Variants in PIK3CB observed in about 807,000 individuals in gnomAD.
PIK3CB encodes the protein phosphatidylinositol-4,5-bisphosphate 3-kinase catalytic subunit beta.
In PIK3CB, 39 loss-of-function variants were observed where a neutral mutation model predicts 136.8. That is an observed-to-expected ratio of 0.29 (90% CI 0.22 to 0.37). The LOEUF (loss-of-function observed/expected upper bound fraction) is 0.37. Among genes scored for constraint, PIK3CB ranks in the 10% least tolerant of loss-of-function variants. The probability of loss-of-function intolerance (pLI) is 1.00; values close to 1 mark genes in which losing one functional copy is unlikely to be tolerated. For missense variants in PIK3CB, 868 were observed against 1,275.4 expected (o/e 0.68, Z 4.87); for synonymous variants, 428 against 436.6 (o/e 0.98, Z 0.25).
intron 4 of PIK3CB, among the ~76,000 whole-genome samples, chr3:138,753,053 T>C (rs992994048): frequency 9.2e-5 from 14 of 151,780 alleles, no homozygotes; most frequent in Non-Finnish European, 1.9e-4. Context: ...TAAGATTCCA[T>C]CTCTACAAAA....
chr3:138,768,022 G>A (rs572697858), intron 2 of PIK3CB, among the ~76,000 whole-genome samples: 18 of 152,348 alleles, frequency 1.2e-4, no homozygotes, highest in African/African-American at 4.3e-4. Context: ...GCAGCCAAGC[G>A]GAGGGTGAGC....
chr3:138,751,697 T>C (rs2045474842), intron 4 of PIK3CB, among the ~76,000 whole-genome samples: 1 of 151,754 alleles, frequency 6.6e-6, no homozygotes, highest in Non-Finnish European at 1.5e-5. Context: ...AGGTCGGACA[T>C]GGTGGCTCAC....
At chr3:138,735,189 T>A (rs1279809795) in intron 6 of PIK3CB, among the ~76,000 whole-genome samples, 1 of 152,010 alleles carries the variant, frequency 6.6e-6, no homozygotes, top group African/African-American at 2.4e-5. Flanking sequence ...GCTGAAGTGA[T>A]CTGCCTACCT....
At position 138,684,785 on chromosome 3, in the gene PIK3CB, A is replaced by C; in HGVS notation, c.2155T>G (p.Leu719Val). The C allele has an allele frequency of 6.2e-7, 1 of 1,612,178 alleles. No individual in the cohort carries two copies. The highest frequency in any genetic ancestry group is 8.5e-7 in the Non-Finnish European group (1 of 1,179,346). Residue 719 changes from leucine (L) to valine (V), a missense_variant, in exon 17 of 24, where the codon TTA becomes GTA. Coordinates refer to ENST00000674063, the MANE Select transcript of PIK3CB (RefSeq NM_006219.3). ...LSKQVEALNK[L>V]KTLNSLIKLN... is the part of the protein sequence containing the mutation. ...TTGATTAAACTATTTAAAGTTTTTA[A>C]CTTATTGAGTGCTTCAACCTGAAAA...
intron 5 of PIK3CB, among the ~76,000 whole-genome samples, chr3:138,738,608 CAT>C (rs773171542): frequency 9.2e-5 from 14 of 152,078 alleles, no homozygotes; most frequent in Non-Finnish European, 1.9e-4. Context: ...TAAATAGAAA[CAT>C]ATAGAAATTC....
chr3:138,681,940 G>GAAA (rs145780817), intron 19 of PIK3CB, 27 bp downstream of exon 19: 46 of 1,155,090 alleles, frequency 4.0e-5, no homozygotes, highest in Admixed American at 1.0e-4. Flanking sequence ...ACATTAGACT[G>GAAA]AAAAAAAAAA....
chr3:138,672,993 G>T (rs991926134), intron 19 of PIK3CB, among the ~76,000 whole-genome samples: 2 of 151,170 alleles, frequency 1.3e-5, no homozygotes, highest in African/African-American at 4.9e-5. Flanking sequence ...TACAATACAG[G>T]AGAGTAAACA....
intron 1 of PIK3CB, among the ~76,000 whole-genome samples, chr3:138,810,648 G>A: frequency 6.6e-6 from 1 of 152,180 alleles, no homozygotes; most frequent in Non-Finnish European, 1.5e-5. Context: ...GCCGGGCATG[G>A]TGGCTCACGC....
chr3:138,726,957 A>G (rs1180091035), intron 8 of PIK3CB, among the ~76,000 whole-genome samples: 1 of 152,060 alleles, frequency 6.6e-6, no homozygotes, highest in Non-Finnish European at 1.5e-5. Flanking sequence ...AGTCTGAGGC[A>G]GGAGGGTATC....
chr3:138,697,066 A>T (rs1372982944), intron 13 of PIK3CB, among the ~76,000 whole-genome samples: 1 of 152,208 alleles, frequency 6.6e-6, no homozygotes, highest in Non-Finnish European at 1.5e-5. Flanking sequence ...AAATTGCCAA[A>T]ACTCACCAAA....
intron 1 of PIK3CB, among the ~76,000 whole-genome samples, chr3:138,800,516 T>C (rs1382087775): frequency 7.3e-5 from 11 of 151,270 alleles, no homozygotes; most frequent in African/African-American, 2.7e-4. Flanking sequence ...TGGGGTCTAC[T>C]ATGTGGTCCA....
intron 19 of PIK3CB, among the ~76,000 whole-genome samples, chr3:138,681,366 T>C (rs1238117771): frequency 1.3e-5 from 2 of 152,198 alleles, no homozygotes; most frequent in African/African-American, 4.8e-5. Flanking sequence ...ATACTTTTTA[T>C]AAAATGCCTT....
In PIK3CB at chr3:138,653,419, C is replaced by T. The variant is rs913824706; in HGVS notation, c.*1970G>A. The stretch of plus-strand genomic sequence containing the variant: ...ATATGGGAAAAACAGTTGACTTGAA[C>T]TTCACTGATTTGGCATGTATTTATC... On this transcript the variant is annotated 3_prime_UTR_variant, in exon 24 of 24. Transcript: ENST00000674063. The T allele has an allele frequency of 4.0e-5, 7 of 175,518 alleles. No homozygotes were observed. Among genetic ancestry groups the T allele is most frequent in the Non-Finnish European group, 2.5e-5 (2 of 81,392 alleles). The allele number at this position is 175,518 out of a possible 1,614,324, so 10.9% of individuals were successfully genotyped here. A position where few individuals can be genotyped will look rare whatever the true frequency, so the allele number is the denominator to read the frequency against.
chr3:138,812,026 G>A (rs1933087224), intron 1 of PIK3CB, among the ~76,000 whole-genome samples: 1 of 152,080 alleles, frequency 6.6e-6, no homozygotes, highest in African/African-American at 2.4e-5. Flanking sequence ...AAGAGTTTGA[G>A]GCTGCAGTGA....
intron 3 of PIK3CB, among the ~76,000 whole-genome samples, chr3:138,757,821 T>A (rs914976291): frequency 6.6e-6 from 1 of 152,182 alleles, no homozygotes. Context: ...CAACATTATA[T>A]GGTGCAGCCA....
At chr3:138,785,135 G>C (rs2045964246) in intron 2 of PIK3CB, among the ~76,000 whole-genome samples, 1 of 151,658 alleles carries the variant, frequency 6.6e-6, no homozygotes, top group South Asian at 2.1e-4. Flanking sequence ...GCCCCGTCCG[G>C]GAGGGAGATG....
At chr3:138,675,614 C>A (rs2043627676) in intron 19 of PIK3CB, among the ~76,000 whole-genome samples, 1 of 152,096 alleles carries the variant, frequency 6.6e-6, no homozygotes, top group South Asian at 2.1e-4. Context: ...CAGCTGATTT[C>A]TCATGAGAAA....
At chr3:138,778,022 C>A in intron 2 of PIK3CB, 1 of 387,194 alleles carries the variant, frequency 2.6e-6, no homozygotes, top group Non-Finnish European at 5.1e-6. Flanking sequence ...GAATGGCAAG[C>A]TTGTCATCAA....
intron 21 of PIK3CB, among the ~76,000 whole-genome samples, chr3:138,661,951 G>A (rs74574009): frequency 0.021 from 3,258 of 152,140 alleles, 66 homozygotes; most frequent in South Asian, 0.065. Context: ...GAAAACTTAA[G>A]TACTTTATAA....
Sources: gnomAD v4.1 joint callset for allele counts (sites outside exome capture counted in the v4.1 genomes callset) on GRCh38, gnomAD v4.1.1 for gene constraint, MANE v1.5 for transcripts, NCBI Gene and HGNC (gene_info 2026-07-23, HGNC 2026-07-21) for gene names.